Variants in KDM4C observed in about 807,000 individuals in gnomAD.
KDM4C encodes lysine demethylase 4C, also known as lysine-specific demethylase 4C.
A neutral mutation model predicts 129.3 loss-of-function variants in KDM4C; 81 were observed. The ratio of observed to expected loss-of-function variants is 0.63; its 90% CI spans 0.52 to 0.75. KDM4C has a LOEUF of 0.75. Ranked by LOEUF, KDM4C falls within the 30% of genes least tolerant of loss-of-function variation. The pLI, the probability that KDM4C is intolerant of heterozygous loss-of-function variation, is 0.00. For missense variants in KDM4C, 1,457 were observed against 1,304.0 expected (o/e 1.12, Z -1.81); for synonymous variants, 573 against 456.1 (o/e 1.26, Z -3.26).
chr9:6,847,579 ACAGGGTTT>A (rs1838074946), intron 4 of KDM4C, among the ~76,000 whole-genome samples: 1 of 152,036 alleles, frequency 6.6e-6, no homozygotes, highest in Admixed American at 6.6e-5. Context: ...TTTAGTAGAG[ACAGGGTTT>A]CACCGTGTTA....
At chr9:6,787,264 T>C (rs146181040) in intron 1 of KDM4C, among the ~76,000 whole-genome samples, 70 of 152,342 alleles carry the variant, frequency 4.6e-4, no homozygotes, top group African/African-American at 1.6e-3. Flanking sequence ...ACGGAGTCTT[T>C]ATCTGTTGCC....
At chr9:6,767,476 C>G (rs529220343) in intron 1 of KDM4C, among the ~76,000 whole-genome samples, 20 of 151,458 alleles carry the variant, frequency 1.3e-4, no homozygotes, top group South Asian at 4.2e-4. Flanking sequence ...GATCTGTCAC[C>G]TAGGATGCAG....
intron 8 of KDM4C, among the ~76,000 whole-genome samples, chr9:6,961,602 A>G (rs900533895): frequency 3.3e-5 from 5 of 152,212 alleles, no homozygotes; most frequent in Admixed American, 6.5e-5. Context: ...TAAATATCTA[A>G]TGTCTTAAAT....
At position 6,984,248 on chromosome 9, in the gene KDM4C, G is replaced by A. The variant is rs753581154; in HGVS notation, c.1198G>A (p.Val400Ile). The change falls in exon 10 of 22, where the codon GTC becomes ATC. Residue 400 changes from valine (V) to isoleucine (I), a missense_variant. Transcript: ENST00000381309. ...EVSDEVDGAE[V>I]PNPDSVTDDL... is the part of the protein sequence containing the mutation. ...GTCAGATGAAGTCGATGGGGCAGAG[G>A]TCCCTAACCCCGACTCAGTCACAGA... 15 of 1,614,006 alleles carry A rather than the reference G, an allele frequency of 9.3e-6. No homozygotes were observed. In the South Asian group the frequency reaches 1.6e-4, roughly 18 times the overall value.
chr9:6,942,911 G>C (rs959290709), intron 8 of KDM4C, among the ~76,000 whole-genome samples: 1 of 152,088 alleles, frequency 6.6e-6, no homozygotes, highest in Non-Finnish European at 1.5e-5. Context: ...CTGTCACCTC[G>C]GCTGAGTGCA....
chr9:6,873,249 G>T (rs1047263577), intron 5 of KDM4C, among the ~76,000 whole-genome samples: 2 of 152,090 alleles, frequency 1.3e-5, no homozygotes, highest in African/African-American at 2.4e-5. Context: ...CACCCGCCTC[G>T]GCCTGGGATT....
chr9:7,068,686 C>CTTTTTTTTTTTTTTTTTTTTTTT (rs542039227), intron 17 of KDM4C, among the ~76,000 whole-genome samples: 1 of 101,766 alleles, frequency 9.8e-6, no homozygotes, highest in African/African-American at 3.9e-5. Flanking sequence ...GATGCCCTTT[C>CTTTTTTTTTTTTTTTTTTTTTTT]TTTTTTTTTT....
intron 15 of KDM4C, among the ~76,000 whole-genome samples, chr9:7,045,777 A>G (rs949460932): frequency 2.0e-5 from 3 of 152,034 alleles, no homozygotes; most frequent in African/African-American, 7.2e-5. Flanking sequence ...GTTTGCATTT[A>G]TTACTGCCTA....
chr9:7,160,406 G>A (rs1004506570), intron 19 of KDM4C, among the ~76,000 whole-genome samples: 1 of 152,176 alleles, frequency 6.6e-6, no homozygotes, highest in African/African-American at 2.4e-5. Context: ...TGGAGAAGAG[G>A]TGCTCTGATT....
chr9:6,807,877 G>A (rs1181001335), intron 3 of KDM4C, among the ~76,000 whole-genome samples: 2 of 141,144 alleles, frequency 1.4e-5, no homozygotes, highest in Non-Finnish European at 1.5e-5. Flanking sequence ...CAGCCGCCCC[G>A]TCCGGGAGGG....
At chr9:7,139,707 A>C (rs933010764) in intron 19 of KDM4C, among the ~76,000 whole-genome samples, 1 of 152,180 alleles carries the variant, frequency 6.6e-6, no homozygotes, top group African/African-American at 2.4e-5. Flanking sequence ...TTTTCCTTAC[A>C]GTTTTAAAAT....
chr9:6,900,301 A>G (rs1376904337), intron 8 of KDM4C, among the ~76,000 whole-genome samples: 2 of 152,040 alleles, frequency 1.3e-5, no homozygotes, highest in Non-Finnish European at 2.9e-5. Flanking sequence ...ACCCTTCTGG[A>G]CTCATTTTTC....
At chr9:6,834,479 C>T (rs1299418013) in intron 4 of KDM4C, 9 of 578,022 alleles carry the variant, frequency 1.6e-5, no homozygotes, top group East Asian at 1.1e-4. Context: ...TTGCTACGCC[C>T]GTCGTCGACA....
rs1011119953 is a variant in KDM4C at position 6,814,616 on chromosome 9, A to G, written c.321-15A>G. ...ACTTACTGGTTTGTACATTTTTGTC[A>G]TCTACCTTTTACAGATATTGTACTC... On this transcript the variant is annotated splice_polypyrimidine_tract_variant and intron_variant, in intron 3 of 21. Transcript: ENST00000381309. The G allele has an allele frequency of 7.3e-6, 11 of 1,503,716 alleles. No homozygotes were observed. The highest frequency in any genetic ancestry group is 1.4e-5 in the African/African-American group (1 of 72,068). 93.1% of individuals were successfully genotyped at this position (1,503,716 alleles called of 1,614,324 possible). A position where few individuals can be genotyped will look rare whatever the true frequency, so the allele number is the denominator to read the frequency against.
At chr9:6,865,383 G>A (rs1841768423) in intron 5 of KDM4C, among the ~76,000 whole-genome samples, 1 of 152,126 alleles carries the variant, frequency 6.6e-6, no homozygotes, top group Non-Finnish European at 1.5e-5. Context: ...CCTTGAAAGT[G>A]CTATCTTGAA....
intron 17 of KDM4C, among the ~76,000 whole-genome samples, chr9:7,050,527 C>G (rs1026703421): frequency 2.0e-5 from 3 of 146,846 alleles, no homozygotes; most frequent in African/African-American, 7.4e-5. Flanking sequence ...AAAAGTTGAA[C>G]TACCACATGT....
At chr9:7,130,315 A>T (rs1191143640) in intron 19 of KDM4C, among the ~76,000 whole-genome samples, 1 of 152,236 alleles carries the variant, frequency 6.6e-6, no homozygotes, top group African/African-American at 2.4e-5. Flanking sequence ...TCTCTTTTAC[A>T]TCATAAGCCT....
intron 19 of KDM4C, among the ~76,000 whole-genome samples, chr9:7,155,932 A>G (rs1843122656): frequency 6.6e-6 from 1 of 152,240 alleles, no homozygotes; most frequent in African/African-American, 2.4e-5. Flanking sequence ...AGCAATCGCC[A>G]TACTGTCTTC....
intron 1 of KDM4C, among the ~76,000 whole-genome samples, chr9:6,729,125 A>AAAAAAAAAAGGCTTGTCAGTTT (rs1554663580): frequency 8.2e-6 from 1 of 121,900 alleles, no homozygotes; most frequent in African/African-American, 3.6e-5. Context: ...AATTGCTTGA[A>AAAAAAAAAAGGCTTGTCAGTTT]CCCGGGAAGC....
Sources: gnomAD v4.1 joint callset for allele counts (sites outside exome capture counted in the v4.1 genomes callset) on GRCh38, gnomAD v4.1.1 for gene constraint, MANE v1.5 for transcripts, NCBI Gene and HGNC (gene_info 2026-07-23, HGNC 2026-07-21) for gene names.